Variants in SEMA3E observed in about 807,000 individuals in gnomAD.
SEMA3E encodes semaphorin-3E.
SEMA3E carries 49 observed loss-of-function variants against 93.6 expected under a neutral mutation model. The ratio of observed to expected loss-of-function variants is 0.52; its 90% CI spans 0.42 to 0.66. SEMA3E has a LOEUF of 0.66. SEMA3E is among the 30% of genes least tolerant of loss of function. SEMA3E has a pLI of 0.00. For synonymous variants in SEMA3E, 363 were observed against 330.7 expected (o/e 1.10, Z -1.06); for missense variants, 906 against 964.8 (o/e 0.94, Z 0.81).
intron 1 of SEMA3E, among the ~76,000 whole-genome samples, chr7:83,541,559 G>A (rs1261095622): frequency 6.6e-6 from 1 of 152,096 alleles, no homozygotes; most frequent in Admixed American, 6.6e-5. Context: ...TAGCTCATCT[G>A]AGAACCATCC....
intron 1 of SEMA3E, among the ~76,000 whole-genome samples, chr7:83,590,786 T>C (rs1792742609): frequency 6.6e-6 from 1 of 152,070 alleles, no homozygotes; most frequent in Non-Finnish European, 1.5e-5. Context: ...AATCAGAGGG[T>C]GAAATCATGG....
intron 1 of SEMA3E, among the ~76,000 whole-genome samples, chr7:83,615,404 A>G (rs1793344125): frequency 6.6e-6 from 1 of 151,994 alleles, no homozygotes; most frequent in South Asian, 2.1e-4. Context: ...AGAATAATAT[A>G]ATGATGATGA....
chr7:83,606,528 C>T (rs1056913708), intron 1 of SEMA3E, among the ~76,000 whole-genome samples: 7 of 145,636 alleles, frequency 4.8e-5, no homozygotes, highest in East Asian at 2.0e-4. Flanking sequence ...AACCAAACAC[C>T]GCATATTCTC....
chr7:83,438,034 CATATT>C (rs1789039586), intron 4 of SEMA3E, among the ~76,000 whole-genome samples: 1 of 152,048 alleles, frequency 6.6e-6, no homozygotes, highest in South Asian at 2.1e-4. Flanking sequence ...CAGAAAATGT[CATATT>C]ATAATTAAAT....
At chr7:83,481,806 C>A (rs1460859471) in intron 2 of SEMA3E, among the ~76,000 whole-genome samples, 1 of 152,134 alleles carries the variant, frequency 6.6e-6, no homozygotes, top group Admixed American at 6.5e-5. Context: ...ATTACAGATT[C>A]TTATCTATTT....
intron 4 of SEMA3E, among the ~76,000 whole-genome samples, chr7:83,448,063 T>C (rs1789272228): frequency 1.3e-5 from 2 of 152,234 alleles, no homozygotes; most frequent in Admixed American, 6.5e-5. Flanking sequence ...AGTTGACTTA[T>C]ATTTAAAATA....
At chr7:83,373,176 C>G (rs1268291491) in intron 16 of SEMA3E, 1 of 151,974 alleles carries the variant, frequency 6.6e-6, no homozygotes, top group African/African-American at 2.4e-5. Flanking sequence ...ACAAAGAACT[C>G]TGAACATCTG....
intron 1 of SEMA3E, among the ~76,000 whole-genome samples, chr7:83,636,928 TA>T (rs1349772800): frequency 6.6e-6 from 1 of 151,960 alleles, no homozygotes; most frequent in Non-Finnish European, 1.5e-5. Context: ...CCTTGATATA[TA>T]AAAAAAGCAC....
chr7:83,612,333 A>G (rs1354178112), intron 1 of SEMA3E, among the ~76,000 whole-genome samples: 2 of 152,124 alleles, frequency 1.3e-5, no homozygotes, highest in Non-Finnish European at 2.9e-5. Flanking sequence ...TAATAATACA[A>G]TTCCTTTCCT....
At position 83,570,510 on chromosome 7, in the gene SEMA3E, G is replaced by A. The variant is rs1373903611; in HGVS notation, c.115+77918C>T. ...GGAGCTTGCAGTGAGCCGAGATCCC[G>A]CCACTGCACTCCAGCCTGGGCGACA... is the stretch of plus-strand genomic sequence containing the variant. On this transcript the variant is annotated intron_variant, in intron 1 of 16. Coordinates refer to ENST00000643230, the MANE Select transcript of SEMA3E (RefSeq NM_012431.3). Among the ~76,000 whole-genome samples the A allele has an allele frequency of 4.5e-5, 5 of 110,454 alleles. No individual in the cohort carries two copies. In the South Asian group the frequency reaches 9.5e-4, roughly 21 times the overall value. The allele number at this position is 110,454 out of a possible 152,430, so 72.5% of individuals were successfully genotyped here.
chr7:83,627,538 C>A (rs1299511229), intron 1 of SEMA3E, among the ~76,000 whole-genome samples: 1 of 151,770 alleles, frequency 6.6e-6, no homozygotes, highest in Non-Finnish European at 1.5e-5. Flanking sequence ...TTGCATTGAT[C>A]CCTTTACCAT....
chr7:83,506,733 A>G (rs142221843), intron 1 of SEMA3E, among the ~76,000 whole-genome samples: 333 of 152,338 alleles, frequency 2.2e-3, no homozygotes, highest in African/African-American at 7.5e-3. Flanking sequence ...ATTATTACTC[A>G]GAAAACAAGT....
Position 83,479,021 on chromosome 7 carries a change from G to T in SEMA3E, c.277-9719C>A, listed in dbSNP as rs78575486. Among the ~76,000 whole-genome samples the T allele has an allele frequency of 5.6e-3, 858 of 152,232 alleles. 7 individuals carry two copies. The highest frequency in any genetic ancestry group is 0.02 in the African/African-American group (824 of 41,540). Reference sequence around the variant, plus strand: ...ATGCCCATATTGAGAATCCACCAGTGACTCCTGCATTGCCTAGAAGATTCC... The same window carrying T: ...ATGCCCATATTGAGAATCCACCAGTTACTCCTGCATTGCCTAGAAGATTCC... On this transcript the variant is annotated intron_variant, in intron 2 of 16. Transcript: ENST00000643230.
At chr7:83,418,629 A>C (rs953080664) in intron 4 of SEMA3E, 146 bp from the exon 5 acceptor site, 1 of 701,630 alleles carries the variant, frequency 1.4e-6, no homozygotes, top group African/African-American at 1.8e-5. Context: ...TTAGAGACAA[A>C]CTGGGTTTTA....
rs184631773 is a variant in SEMA3E at position 83,421,960 on chromosome 7, C to T, written c.457-3477G>A. Among the ~76,000 whole-genome samples the T allele has an allele frequency of 2.8e-3, 421 of 152,200 alleles. 2 individuals carry two copies. Among genetic ancestry groups the T allele is most frequent in the African/African-American group, 8.9e-3 (371 of 41,512 alleles). On this transcript the variant is annotated intron_variant, in intron 4 of 16. Coordinates refer to ENST00000643230, the MANE Select transcript of SEMA3E (RefSeq NM_012431.3). ...TGGGAGGCCGAGGAAGGCACATCAC[C>T]TGAGGTTGGGAGTTCGAGACCAGCC...
At chr7:83,598,874 A>T (rs1261440334) in intron 1 of SEMA3E, among the ~76,000 whole-genome samples, 1 of 152,230 alleles carries the variant, frequency 6.6e-6, no homozygotes, top group Non-Finnish European at 1.5e-5. Flanking sequence ...TCTATATGTT[A>T]TATATCTTTA....
intron 2 of SEMA3E, among the ~76,000 whole-genome samples, chr7:83,470,561 A>G (rs1789870415): frequency 6.6e-6 from 1 of 152,024 alleles, no homozygotes; most frequent in Non-Finnish European, 1.5e-5. Context: ...TCCCTCTTTT[A>G]TTTTAGTTAA....
chr7:83,407,285 C>A, intron 6 of SEMA3E, 46 bp from the exon 7 acceptor site: 1 of 1,502,412 alleles, frequency 6.7e-7, no homozygotes, highest in East Asian at 2.3e-5. Context: ...GATATTACAA[C>A]TAAATGCTAA....
chr7:83,403,799 G>T (rs1584224306), intron 9 of SEMA3E, among the ~76,000 whole-genome samples: 1 of 151,802 alleles, frequency 6.6e-6, no homozygotes, highest in South Asian at 2.1e-4. Flanking sequence ...GGGATACAGG[G>T]AACACTTGAG....
Sources: allele counts gnomAD v4.1 joint callset (sites outside exome capture counted in the v4.1 genomes callset), GRCh38; gene constraint gnomAD v4.1.1; transcripts MANE v1.5; gene names NCBI Gene and HGNC (gene_info 2026-07-23, HGNC 2026-07-21).